Variants in MRPS28 observed in about 807,000 individuals in gnomAD.
The protein encoded by MRPS28 is small ribosomal subunit protein bS1m.
In MRPS28, 7 loss-of-function variants were observed where a neutral mutation model predicts 10.8. The observed-to-expected ratio is 0.65, with a 90% confidence interval of 0.37 to 1.22. The LOEUF (loss-of-function observed/expected upper bound fraction) is 1.22. Among genes scored for constraint, MRPS28 ranks in the 50% most tolerant of loss-of-function variants. The probability of loss-of-function intolerance (pLI) is 0.02; values close to 1 mark genes in which losing one functional copy is unlikely to be tolerated. For synonymous variants in MRPS28, 121 were observed against 93.3 expected (o/e 1.30, Z -1.71); for missense variants, 265 against 232.9 (o/e 1.14, Z -0.90).
At chr8:79,970,395 T>C (rs1807602270) in intron 2 of MRPS28, among the ~76,000 whole-genome samples, 1 of 152,216 alleles carries the variant, frequency 6.6e-6, no homozygotes, top group Non-Finnish European at 1.5e-5. Flanking sequence ...AGCAATTCTG[T>C]CCTACTGAAA....
intron 2 of MRPS28, among the ~76,000 whole-genome samples, chr8:79,948,611 T>A (rs999218095): frequency 3.3e-5 from 5 of 152,190 alleles, no homozygotes; most frequent in African/African-American, 4.8e-5. Flanking sequence ...AGTTTTTTTT[T>A]AAAATGACCT....
chr8:80,003,263 A>C (rs1302228746), intron 1 of MRPS28, 83 bp from the exon 2 acceptor site: 1 of 1,062,512 alleles, frequency 9.4e-7, no homozygotes, highest in African/African-American at 1.6e-5. Flanking sequence ...CTTAAAGTCA[A>C]TTGTTGTAGC....
intron 2 of MRPS28, among the ~76,000 whole-genome samples, chr8:79,959,172 C>T (rs1003272089): frequency 6.6e-6 from 1 of 152,034 alleles, no homozygotes; most frequent in Non-Finnish European, 1.5e-5. Context: ...CATTCTATTG[C>T]TAACCGACTT....
At chr8:80,029,995 G>T (rs1242440709) in intron 1 of MRPS28, 41 bp downstream of exon 1, 4 of 1,598,360 alleles carry the variant, frequency 2.5e-6, no homozygotes, top group East Asian at 2.3e-5. Flanking sequence ...CGCGTCGTTG[G>T]CGTAATTCCC....
At chr8:79,954,258 T>C (rs982605888) in intron 2 of MRPS28, among the ~76,000 whole-genome samples, 2 of 151,990 alleles carry the variant, frequency 1.3e-5, no homozygotes, top group African/African-American at 2.4e-5. Context: ...ATAAAAAATA[T>C]AGCCTCTTTG....
chr8:80,004,361 T>C (rs199630242), intron 1 of MRPS28, among the ~76,000 whole-genome samples: 8 of 152,200 alleles, frequency 5.3e-5, no homozygotes. Context: ...CTGCTGCTGA[T>C]ACCCAGGCAA....
chr8:79,930,255 T>TAATC (rs1431993728), intron 2 of MRPS28, among the ~76,000 whole-genome samples: 1 of 152,182 alleles, frequency 6.6e-6, no homozygotes, highest in African/African-American at 2.4e-5. Flanking sequence ...TTTAGTATAT[T>TAATC]AATCACTTCC....
chr8:79,989,704 ATTTTG>A (rs557518552), intron 2 of MRPS28, among the ~76,000 whole-genome samples: 8 of 152,108 alleles, frequency 5.3e-5, no homozygotes, highest in Non-Finnish European at 1.0e-4. Flanking sequence ...TTGCCTTTAT[ATTTTG>A]TTTTGTTTTG....
At chr8:79,991,909 G>GCTCTCTCTCTCTCT (rs33936648) in intron 2 of MRPS28, among the ~76,000 whole-genome samples, 2 of 133,006 alleles carry the variant, frequency 1.5e-5, no homozygotes, top group African/African-American at 6.2e-5. Context: ...CTTCCTCCTT[G>GCTCTCTCTCTCTCT]CTCTCTCTCT....
intron 2 of MRPS28, 145 bp downstream of exon 2, chr8:80,002,854 G>T: frequency 1.6e-6 from 1 of 641,430 alleles, no homozygotes; most frequent in Non-Finnish European, 2.4e-6. Context: ...TATTTTTAAA[G>T]CACTTCAGAC....
chr8:80,006,790 A>C (rs1808862536), intron 1 of MRPS28, among the ~76,000 whole-genome samples: 2 of 152,194 alleles, frequency 1.3e-5, no homozygotes, highest in African/African-American at 4.8e-5. Flanking sequence ...TAGCCTACCA[A>C]CCAAAAAAAG....
chr8:80,026,415 A>ACTGT (rs1809494416), intron 1 of MRPS28, among the ~76,000 whole-genome samples: 1 of 152,242 alleles, frequency 6.6e-6, no homozygotes, highest in South Asian at 2.1e-4. Flanking sequence ...CATGCTCAAG[A>ACTGT]CTGTACTATT....
chr8:79,962,473 C>T (rs1375044472), intron 2 of MRPS28, among the ~76,000 whole-genome samples: 1 of 152,152 alleles, frequency 6.6e-6, no homozygotes, highest in East Asian at 1.9e-4. Context: ...CGCCTCCAAA[C>T]ATTCAAGAGA....
intron 2 of MRPS28, among the ~76,000 whole-genome samples, chr8:79,948,404 G>A (rs977650804): frequency 9.2e-5 from 14 of 152,140 alleles, no homozygotes; most frequent in African/African-American, 3.1e-4. Context: ...AGTTTTTGCA[G>A]CCATCTGCAA....
intron 2 of MRPS28, among the ~76,000 whole-genome samples, chr8:79,929,418 T>C (rs113050649): frequency 2.7e-4 from 41 of 152,318 alleles, no homozygotes; most frequent in African/African-American, 9.9e-4. Flanking sequence ...AGAGGGTCAT[T>C]GATAATCGGA....
Position 79,976,297 on chromosome 8 carries a change from G to T in MRPS28, c.395+26702C>A, listed in dbSNP as rs182117195. Among the ~76,000 whole-genome samples the T allele has an allele frequency of 2.6e-5, 4 of 152,196 alleles. No individual in the cohort carries two copies. In the East Asian group the frequency reaches 7.7e-4, roughly 29 times the overall value. ...AGGGTTTCTCCATGTTGATCAGGCT[G>T]GTCTCAAACTCCTGACCTCAGGTGA... On this transcript the variant is annotated intron_variant, in intron 2 of 2. Transcript: ENST00000276585.
intron 2 of MRPS28, among the ~76,000 whole-genome samples, chr8:79,940,380 T>G (rs1357601127): frequency 6.6e-6 from 1 of 152,190 alleles, no homozygotes; most frequent in Non-Finnish European, 1.5e-5. Context: ...GCGAGTGAAG[T>G]GAACTCCTTT....
chr8:79,995,493 G>C (rs1293831151), intron 2 of MRPS28, among the ~76,000 whole-genome samples: 2 of 152,100 alleles, frequency 1.3e-5, no homozygotes, highest in Non-Finnish European at 2.9e-5. Context: ...CCCTACTGGA[G>C]GTGTTAAAGT....
intron 2 of MRPS28, among the ~76,000 whole-genome samples, chr8:79,934,968 G>A (rs564070261): frequency 1.3e-5 from 2 of 152,314 alleles, no homozygotes; most frequent in African/African-American, 2.4e-5. Context: ...TTAAAAACTA[G>A]TGCTTGCAAA....
Sources: gnomAD v4.1 joint callset for allele counts (sites outside exome capture counted in the v4.1 genomes callset) on GRCh38, gnomAD v4.1.1 for gene constraint, MANE v1.5 for transcripts, NCBI Gene and HGNC (gene_info 2026-07-23, HGNC 2026-07-21) for gene names.